IQCK: variants seen among roughly 807,000 people sequenced by gnomAD.
IQCK encodes the protein IQ motif containing K.
IQCK carries 29 observed loss-of-function variants against 28.1 expected under a neutral mutation model. That is an observed-to-expected ratio of 1.03 (90% confidence interval 0.77 to 1.41). The LOEUF is 1.41. Among genes scored for constraint, IQCK ranks in the 40% most tolerant of loss-of-function variants. IQCK has a pLI of 0.00. For synonymous variants in IQCK, 113 were observed against 115.1 expected (o/e 0.98, Z 0.12); for missense variants, 359 against 314.7 (o/e 1.14, Z -1.07).
intron 6 of IQCK, among the ~76,000 whole-genome samples, chr16:19,773,798 A>T (rs949213266): frequency 1.3e-5 from 2 of 152,222 alleles, no homozygotes; most frequent in African/African-American, 4.8e-5. Context: ...AAGCAAAAAA[A>T]CCAACATAAT....
chr16:19,849,206 A>T (rs1406825850), intron 9 of IQCK, among the ~76,000 whole-genome samples: 1 of 151,062 alleles, frequency 6.6e-6, no homozygotes, highest in Non-Finnish European at 1.5e-5. Flanking sequence ...ACTGTAGAAC[A>T]TTCAGGAAAA....
intron 7 of IQCK, among the ~76,000 whole-genome samples, chr16:19,793,643 G>GTT (rs1285541664): frequency 0.067 from 4,154 of 61,830 alleles, 721 homozygotes; most frequent in East Asian, 0.11. Flanking sequence ...TCTCAGTTGG[G>GTT]TTTTTTTTTT....
In IQCK at chr16:19,786,363, G is replaced by A. The variant is rs545790002; in HGVS notation, c.606-2475G>A. On this transcript the variant is annotated intron_variant, in intron 6 of 7. Transcript: ENST00000564186. ...GAGGCCAAGAGTTGGAGACCACATA[G>A]CGAGACCCTGTCTCTACAGTTTTAA... 6.0e-5 allele frequency among the ~76,000 whole-genome samples: 9 copies of A among 151,164 alleles called. No individual in the cohort carries two copies. In the South Asian group the frequency reaches 1.9e-3, roughly 32 times the overall value.
chr16:19,718,532 G>A (rs1278222426), intron 1 of IQCK, 45 bp downstream of exon 1: 1 of 1,493,750 alleles, frequency 6.7e-7, no homozygotes, highest in South Asian at 1.3e-5. Context: ...CCGGGCGGCC[G>A]GACGGGGGCC....
chr16:19,730,999 C>G (rs1977819879), intron 2 of IQCK, among the ~76,000 whole-genome samples: 1 of 152,194 alleles, frequency 6.6e-6, no homozygotes, highest in East Asian at 1.9e-4. Context: ...GTTGGGATTA[C>G]AGATGTGAGC....
intron 4 of IQCK, among the ~76,000 whole-genome samples, 159 bp from the exon 5 acceptor site, chr16:19,763,689 C>T (rs774043273): frequency 3.9e-5 from 6 of 152,154 alleles, no homozygotes; most frequent in East Asian, 1.9e-4. Context: ...GTGATCCACC[C>T]GCCTCGGTCT....
chr16:19,730,361 G>A, intron 1 of IQCK, 69 bp from the exon 2 acceptor site: 3 of 1,201,844 alleles, frequency 2.5e-6, no homozygotes, highest in African/African-American at 1.5e-5. Flanking sequence ...TTTTATTCAG[G>A]GAGAAGGAAA....
At chr16:19,726,609 G>A (rs1032860720) in intron 1 of IQCK, among the ~76,000 whole-genome samples, 6 of 152,210 alleles carry the variant, frequency 3.9e-5, no homozygotes, top group African/African-American at 1.4e-4. Context: ...GGCACATCAT[G>A]TATGTAGCAA....
intron 1 of IQCK, among the ~76,000 whole-genome samples, chr16:19,723,403 G>A (rs1977558338): frequency 6.6e-6 from 1 of 151,978 alleles, no homozygotes; most frequent in African/African-American, 2.4e-5. Flanking sequence ...CATCCTAATG[G>A]CAACCATTTA....
intron 6 of IQCK, among the ~76,000 whole-genome samples, chr16:19,767,190 G>T (rs1322852211): frequency 6.6e-6 from 1 of 152,166 alleles, no homozygotes; most frequent in Non-Finnish European, 1.5e-5. Context: ...TACAGCTGAA[G>T]CCCCAGTGGG....
intron 4 of IQCK, among the ~76,000 whole-genome samples, chr16:19,746,612 A>G (rs1353416218): frequency 1.3e-5 from 2 of 152,222 alleles, no homozygotes; most frequent in East Asian, 3.8e-4. Context: ...ATTTTTAACA[A>G]AAGAGCATTG....
rs139941940 is a variant in IQCK at position 19,763,335 on chromosome 16, A to T, written c.475-513A>T. ...CATAAAGGTCTTCCTCCTCATCTTCAGGTTTAGTAGGCTGAGAAGGAGGAG... is the reference window on the plus strand; with the variant it reads ...CATAAAGGTCTTCCTCCTCATCTTCTGGTTTAGTAGGCTGAGAAGGAGGAG... On this transcript the variant is annotated intron_variant, in intron 4 of 7. Coordinates refer to ENST00000564186, the Ensembl canonical transcript of IQCK. 9.0e-3 allele frequency among the ~76,000 whole-genome samples: 1,369 copies of T among 152,288 alleles called. 22 individuals are homozygous for T. Among genetic ancestry groups the T allele is most frequent in the African/African-American group, 0.031 (1,303 of 41,550 alleles).
intron 9 of IQCK, among the ~76,000 whole-genome samples, chr16:19,856,183 T>C (rs1195618652): frequency 6.6e-6 from 1 of 152,222 alleles, no homozygotes; most frequent in Non-Finnish European, 1.5e-5. Flanking sequence ...TCATCGTCTT[T>C]AGTAAAATTG....
chr16:19,772,163 C>T (rs760388032), intron 6 of IQCK, among the ~76,000 whole-genome samples: 15 of 152,134 alleles, frequency 9.9e-5, no homozygotes, highest in African/African-American at 2.2e-4. Flanking sequence ...TAAAGAATGT[C>T]TTACATTTTT....
intron 6 of IQCK, among the ~76,000 whole-genome samples, chr16:19,782,642 AAGAG>A (rs112347879): frequency 0.056 from 8,514 of 151,950 alleles, 767 homozygotes; most frequent in African/African-American, 0.19. Context: ...AGAAAAGAGA[AAGAG>A]AGAAAGAAAA....
chr16:19,763,455 T>A (rs1295574580), intron 4 of IQCK, among the ~76,000 whole-genome samples: 1 of 151,970 alleles, frequency 6.6e-6, no homozygotes, highest in African/African-American at 2.4e-5. Context: ...TTCTTTTGTT[T>A]TTTTTGAGAC....
At chr16:19,760,171 T>A (rs964941874) in intron 4 of IQCK, among the ~76,000 whole-genome samples, 1 of 152,180 alleles carries the variant, frequency 6.6e-6, no homozygotes, top group Admixed American at 6.5e-5. Flanking sequence ...ATGAGAATGC[T>A]CAGAAAGGCT....
intron 4 of IQCK, among the ~76,000 whole-genome samples, chr16:19,756,155 G>C (rs2055049228): frequency 6.6e-6 from 1 of 152,186 alleles, no homozygotes; most frequent in African/African-American, 2.4e-5. Context: ...CTGCACTCCA[G>C]CCTGGGTGAT....
At chr16:19,777,075 G>C (rs760417903) in intron 6 of IQCK, among the ~76,000 whole-genome samples, 4 of 152,138 alleles carry the variant, frequency 2.6e-5, no homozygotes, top group African/African-American at 9.7e-5. Flanking sequence ...AGAAGGGAAG[G>C]CTCATGAAAG....
Sources: gnomAD v4.1 joint callset for allele counts (sites outside exome capture counted in the v4.1 genomes callset) on GRCh38, gnomAD v4.1.1 for gene constraint, MANE v1.5 for transcripts, NCBI Gene and HGNC (gene_info 2026-07-23, HGNC 2026-07-21) for gene names.